ZNF804B: variants seen among roughly 807,000 people sequenced by gnomAD.
The protein encoded by ZNF804B is zinc finger 804B.
A neutral mutation model predicts 101.4 loss-of-function variants in ZNF804B; 80 were observed. The ratio of observed to expected loss-of-function variants is 0.79; its 90% CI spans 0.66 to 0.95. The LOEUF is 0.95. Among genes scored for constraint, ZNF804B ranks in the 40% least tolerant of loss-of-function variants. ZNF804B has a pLI of 0.00. For missense variants in ZNF804B, 1,673 were observed against 1,561.9 expected (o/e 1.07, Z -1.20); for synonymous variants, 622 against 558.8 (o/e 1.11, Z -1.59).
chr7:89,059,778 C>T (rs1172492387), intron 1 of ZNF804B, among the ~76,000 whole-genome samples: 1 of 152,050 alleles, frequency 6.6e-6, no homozygotes, highest in Non-Finnish European at 1.5e-5. Context: ...TAAGGAATAC[C>T]TAAAAACCTG....
intron 2 of ZNF804B, among the ~76,000 whole-genome samples, chr7:89,304,849 A>T (rs1051079177): frequency 6.6e-6 from 1 of 151,984 alleles, no homozygotes; most frequent in African/African-American, 2.4e-5. Context: ...TCTTAATCTT[A>T]CCTGGGTCTC....
intron 1 of ZNF804B, among the ~76,000 whole-genome samples, chr7:88,954,585 G>C (rs1793275602): frequency 6.6e-6 from 1 of 151,052 alleles, no homozygotes; most frequent in Non-Finnish European, 1.5e-5. Flanking sequence ...GGCATGAGCA[G>C]ATATTTAATG....
At chr7:88,921,900 T>C (rs1488470739) in intron 1 of ZNF804B, among the ~76,000 whole-genome samples, 2 of 152,102 alleles carry the variant, frequency 1.3e-5, no homozygotes, top group Non-Finnish European at 2.9e-5. Flanking sequence ...TTTCTACTGA[T>C]ATATAACTAG....
intron 1 of ZNF804B, among the ~76,000 whole-genome samples, chr7:89,005,156 T>C (rs1375283957): frequency 6.6e-6 from 1 of 152,052 alleles, no homozygotes; most frequent in Non-Finnish European, 1.5e-5. Context: ...GTTCCAAAGC[T>C]AAACATTTAT....
chr7:89,018,304 T>C (rs1435374030), intron 1 of ZNF804B, among the ~76,000 whole-genome samples: 1 of 152,170 alleles, frequency 6.6e-6, no homozygotes, highest in African/African-American at 2.4e-5. Flanking sequence ...GTTGATGTGA[T>C]GTATCATATT....
chr7:88,805,053 C>A (rs2115720658), intron 1 of ZNF804B, among the ~76,000 whole-genome samples: 1 of 152,108 alleles, frequency 6.6e-6, no homozygotes, highest in South Asian at 2.1e-4. Flanking sequence ...TAGAGCTATT[C>A]TGAAAGAAGT....
At chr7:89,182,025 T>G (rs1341190934) in intron 1 of ZNF804B, among the ~76,000 whole-genome samples, 1 of 152,218 alleles carries the variant, frequency 6.6e-6, no homozygotes, top group African/African-American at 2.4e-5. Flanking sequence ...AATTGACAAC[T>G]AATTGAAATG....
intron 1 of ZNF804B, among the ~76,000 whole-genome samples, chr7:89,191,636 GAATC>G (rs1157865913): frequency 1.3e-5 from 2 of 152,164 alleles, no homozygotes; most frequent in Non-Finnish European, 2.9e-5. Flanking sequence ...TCTCTGTAAT[GAATC>G]ATGAAATCTA....
In ZNF804B at chr7:89,172,198, C is replaced by T. The variant is rs577543793; in HGVS notation, c.109-45957C>T. ...AGAAACAGAGAACATTCTAGAATAT[C>T]TGGATGAGGATTTAGAATATGTCAT... is the stretch of plus-strand genomic sequence containing the variant. On this transcript the variant is annotated intron_variant, in intron 1 of 3. Transcript: ENST00000333190. Among the ~76,000 whole-genome samples, 31 of 152,166 alleles carry T rather than the reference C, an allele frequency of 2.0e-4. No homozygotes were observed. In the South Asian group the frequency reaches 6.4e-3, roughly 32 times the overall value.
chr7:88,792,066 A>G (rs551350814), intron 1 of ZNF804B, among the ~76,000 whole-genome samples: 1 of 152,210 alleles, frequency 6.6e-6, no homozygotes, highest in South Asian at 2.1e-4. Context: ...TGCTCACAGC[A>G]TAGTGTTTGA....
chr7:89,223,949 A>T (rs9969258), intron 2 of ZNF804B, among the ~76,000 whole-genome samples: 89,336 of 151,706 alleles, frequency 0.59, 26,812 homozygotes, highest in African/African-American at 0.63. Context: ...TTAGATAAAG[A>T]CAGAACTGTA....
intron 1 of ZNF804B, among the ~76,000 whole-genome samples, chr7:88,996,881 G>T (rs1788208851): frequency 6.6e-6 from 1 of 151,986 alleles, no homozygotes. Flanking sequence ...TACCTACCAG[G>T]ACATTTAGGT....
chr7:89,226,264 G>C (rs1227820413), intron 2 of ZNF804B, among the ~76,000 whole-genome samples: 4 of 152,014 alleles, frequency 2.6e-5, no homozygotes, highest in Non-Finnish European at 5.9e-5. Context: ...CATTTGGTAA[G>C]TATCCTAGGA....
intron 1 of ZNF804B, among the ~76,000 whole-genome samples, chr7:88,895,524 G>A (rs1015706065): frequency 3.3e-5 from 5 of 152,170 alleles, no homozygotes; most frequent in African/African-American, 9.7e-5. Flanking sequence ...GCCTAGAAGC[G>A]ATGATACCCC....
At chr7:89,282,637 ATG>A (rs1421757740) in intron 2 of ZNF804B, among the ~76,000 whole-genome samples, 2 of 152,142 alleles carry the variant, frequency 1.3e-5, no homozygotes, top group East Asian at 3.9e-4. Flanking sequence ...TGTGATCAAA[ATG>A]TGTGTCTTGA....
intron 1 of ZNF804B, among the ~76,000 whole-genome samples, chr7:88,970,130 G>A (rs558869330): frequency 6.6e-6 from 1 of 150,842 alleles, no homozygotes; most frequent in East Asian, 2.0e-4. Context: ...CAGTAATTGT[G>A]CAAAGTCTAT....
At chr7:89,030,198 T>G (rs999730750) in intron 1 of ZNF804B, among the ~76,000 whole-genome samples, 8 of 152,090 alleles carry the variant, frequency 5.3e-5, no homozygotes, top group African/African-American at 1.9e-4. Flanking sequence ...TCAGCCTGTG[T>G]GAAAAGCCAC....
chr7:89,013,321 A>G (rs1240226064), intron 1 of ZNF804B, among the ~76,000 whole-genome samples: 1 of 105,786 alleles, frequency 9.5e-6, no homozygotes, highest in Non-Finnish European at 2.3e-5. Flanking sequence ...AGTACTCACT[A>G]TAAAAAAAAA....
chr7:88,873,856 T>A (rs1455340030), intron 1 of ZNF804B, among the ~76,000 whole-genome samples: 2 of 152,186 alleles, frequency 1.3e-5, no homozygotes, highest in Admixed American at 1.3e-4. Context: ...AGTACCACAC[T>A]GTTTTGGTTA....
Sources: gnomAD v4.1 joint callset for allele counts (sites outside exome capture counted in the v4.1 genomes callset) on GRCh38, gnomAD v4.1.1 for gene constraint, MANE v1.5 for transcripts, NCBI Gene and HGNC (gene_info 2026-07-23, HGNC 2026-07-21) for gene names.